Variants in POM121C observed in about 807,000 individuals in gnomAD.
The protein encoded by POM121C is nuclear envelope pore membrane protein POM 121C.
A neutral mutation model predicts 66.4 loss-of-function variants in POM121C; 20 were observed. That is an observed-to-expected ratio of 0.30 (90% confidence interval 0.21 to 0.44). The LOEUF (loss-of-function observed/expected upper bound fraction) is 0.44, where lower values mean the gene tolerates loss of function less well. Ranked by LOEUF, POM121C falls within the 20% of genes least tolerant of loss-of-function variation. POM121C has a pLI of 1.00. For synonymous variants in POM121C, 286 were observed against 528.0 expected (o/e 0.54, Z 6.28); for missense variants, 580 against 1,225.7 (o/e 0.47, Z 7.87).
intron 3 of POM121C, among the ~76,000 whole-genome samples, chr7:75,451,142 TACTG>T (rs1188645494): frequency 1.3e-5 from 2 of 152,206 alleles, no homozygotes; most frequent in African/African-American, 2.4e-5. Context: ...CCCAACAAGC[TACTG>T]ACTGTCTTCA....
At chr7:75,478,517 G>A (rs587674671) in intron 1 of POM121C, among the ~76,000 whole-genome samples, 49 of 149,814 alleles carry the variant, frequency 3.3e-4, no homozygotes, top group African/African-American at 1.2e-3. Flanking sequence ...GTTCACAACC[G>A]GCACAGAGCA....
At position 75,424,133 on chromosome 7, in the gene POM121C, T is replaced by G. The variant is rs1789838573; in HGVS notation, c.964A>C (p.Thr322Pro). The G allele has an allele frequency of 6.2e-7, 1 of 1,609,946 alleles. No homozygotes were observed. The change falls in exon 12 of 15, where the codon ACC becomes CCC. Residue 322 changes from threonine (T) to proline (P), a missense_variant. Coordinates refer to ENST00000615331, the MANE Select transcript of POM121C (RefSeq NM_001099415.3). ...TTGGTGCTTGGGGCCAGGAGGGAGG[T>G]GGGTGGGGAGGCAGTTGCAGCAGCA... The part of the protein sequence containing the change: ...LPAAATASPP[T>P]SLLAPSTNPL...
intron 3 of POM121C, chr7:75,442,938 C>T (rs1790719077): frequency 1.7e-6 from 1 of 603,504 alleles, no homozygotes; most frequent in Non-Finnish European, 2.1e-6. Flanking sequence ...ACGATCCCGT[C>T]CGGGATCCCA....
chr7:75,441,771 G>C (rs1790658794), intron 3 of POM121C, 124 bp from the exon 4 acceptor site: 2 of 943,204 alleles, frequency 2.1e-6, no homozygotes, highest in Non-Finnish European at 1.6e-6. Flanking sequence ...ACGCAACACA[G>C]AACACGTTGT....
At chr7:75,440,793 T>C in intron 5 of POM121C, 161 bp downstream of exon 5, 3 of 1,260,022 alleles carry the variant, frequency 2.4e-6, no homozygotes, top group Non-Finnish European at 3.4e-6. Context: ...ATGAACAGCA[T>C]TAAAACCCTT....
rs55838432 is a variant in POM121C at position 75,485,949 on chromosome 7, G to A, written c.-543C>T. On this transcript the variant is annotated 5_prime_UTR_variant, in exon 1 of 15. Transcript: ENST00000615331. ...CGCTGGCGCGCGCGTCTGCTCGCGA[G>A]GTCCCCTCCTGTCCACCTCACCAAG... The A allele has an allele frequency of 0.42, 205,674 of 493,498 alleles. 48,581 individuals are homozygous for A. Among genetic ancestry groups the A allele is most frequent in the East Asian group, 0.88 (14,449 of 16,480 alleles). The allele number at this position is 493,498 out of a possible 1,614,324, so 30.6% of individuals were successfully genotyped here.
At chr7:75,437,066 T>C (rs1554473093) in intron 7 of POM121C, among the ~76,000 whole-genome samples, 1 of 152,244 alleles carries the variant, frequency 6.6e-6, no homozygotes, top group African/African-American at 2.4e-5. Flanking sequence ...ATCTCTTTTA[T>C]GACCCAATAC....
chr7:75,442,571 G>A (rs1584676552), intron 3 of POM121C: 4 of 1,490,890 alleles, frequency 2.7e-6, no homozygotes, highest in African/African-American at 1.5e-5. Context: ...AGCCGCAGCA[G>A]GCACGAGGTA....
At chr7:75,477,314 G>T (rs1554479538) in intron 1 of POM121C, among the ~76,000 whole-genome samples, 1 of 152,186 alleles carries the variant, frequency 6.6e-6, no homozygotes, top group African/African-American at 2.4e-5. Flanking sequence ...TGGGCACGGT[G>T]GCTCACGCCT....
At chr7:75,482,025 T>C (rs1308974154) in intron 1 of POM121C, among the ~76,000 whole-genome samples, 1 of 151,654 alleles carries the variant, frequency 6.6e-6, no homozygotes, top group Non-Finnish European at 1.5e-5. Flanking sequence ...TATAGTTGTG[T>C]GAAAAGAACT....
intron 3 of POM121C, among the ~76,000 whole-genome samples, chr7:75,447,635 G>C (rs1166135201): frequency 1.3e-5 from 2 of 152,030 alleles, no homozygotes; most frequent in Non-Finnish European, 2.9e-5. Context: ...TAAAAGCTGG[G>C]AGACACTTTG....
rs1792542471 is a variant in POM121C, at chr7:75,486,216, C to T, written c.-810G>A. ...GGCGGTCAGCATCCAGCCCCGCAGA[C>T]TCGGTGATTCTCGTCCACTAGAAGC... On this transcript the variant is annotated 5_prime_UTR_variant, in exon 1 of 15. Coordinates refer to ENST00000615331, the MANE Select transcript of POM121C (RefSeq NM_001099415.3). 1.7e-5 allele frequency: 5 copies of T among 289,484 alleles called. No individual in the cohort carries two copies. Among genetic ancestry groups the T allele is most frequent in the Middle Eastern group, 1.2e-3 (1 of 822 alleles). The allele number at this position is 289,484 out of a possible 1,614,324, so 17.9% of individuals were successfully genotyped here.
At chr7:75,441,402 G>A in intron 4 of POM121C, 30 bp downstream of exon 4, 1 of 1,610,672 alleles carries the variant, frequency 6.2e-7, no homozygotes, top group Non-Finnish European at 8.5e-7. Context: ...ACACGAAAAG[G>A]GAGAGTATTC....
chr7:75,458,594 G>T (rs370003308), intron 3 of POM121C, among the ~76,000 whole-genome samples: 1,056 of 152,242 alleles, frequency 6.9e-3, no homozygotes, highest in African/African-American at 0.024. Flanking sequence ...GGCCAGAGGA[G>T]CTCTGCAAAA....
At position 75,439,129 on chromosome 7, in the gene POM121C, T is replaced by C; in HGVS notation, c.308+15A>G. The C allele has an allele frequency of 6.2e-7, 1 of 1,614,002 alleles. No homozygotes were observed. The highest frequency in any genetic ancestry group is 8.5e-7 in the Non-Finnish European group (1 of 1,179,824). ...CCAAACAGTTGGTATTTCATCTGGA[T>C]GGACTCGCACTTACTTAGGCACAAA... is the stretch of plus-strand genomic sequence containing the variant. On this transcript the variant is annotated intron_variant, in intron 6 of 14. Transcript: ENST00000615331.
At chr7:75,429,516 G>A (rs587617675) in intron 7 of POM121C, among the ~76,000 whole-genome samples, 16 of 152,116 alleles carry the variant, frequency 1.1e-4, no homozygotes, top group African/African-American at 3.1e-4. Flanking sequence ...CTGTAATCTC[G>A]GCTACTTGGA....
At chr7:75,462,696 TCA>T (rs1791485352) in intron 3 of POM121C, among the ~76,000 whole-genome samples, 1 of 151,900 alleles carries the variant, frequency 6.6e-6, no homozygotes, top group African/African-American at 2.4e-5. Context: ...AACCCAGAAC[TCA>T]CACAGGGCAG....
intron 3 of POM121C, among the ~76,000 whole-genome samples, chr7:75,466,228 T>C (rs747832160): frequency 2.0e-5 from 3 of 150,884 alleles, no homozygotes; most frequent in Non-Finnish European, 4.4e-5. Flanking sequence ...AAAAAAATCT[T>C]AAGAATCTGA....
At chr7:75,440,523 G>A in intron 5 of POM121C, 1 of 183,118 alleles carries the variant, frequency 5.5e-6, no homozygotes, top group East Asian at 1.6e-4. Context: ...AGCTGAGATC[G>A]GGCCACTGCA....
Sources: gnomAD v4.1 joint callset for allele counts (sites outside exome capture counted in the v4.1 genomes callset) on GRCh38, gnomAD v4.1.1 for gene constraint, MANE v1.5 for transcripts, NCBI Gene and HGNC (gene_info 2026-07-23, HGNC 2026-07-21) for gene names.